LIPC: variants seen among roughly 807,000 people sequenced by gnomAD.
The protein encoded by LIPC is hepatic triacylglycerol lipase.
LIPC carries 44 observed loss-of-function variants against 50.7 expected under a neutral mutation model. The ratio of observed to expected loss-of-function variants is 0.87; its 90% CI spans 0.68 to 1.11. The LOEUF (loss-of-function observed/expected upper bound fraction) is 1.11. LIPC is among the 50% of genes most tolerant of loss of function. The pLI, the probability that LIPC is intolerant of heterozygous loss-of-function variation, is 0.00. For missense variants in LIPC, 697 were observed against 648.2 expected (o/e 1.08, Z -0.82); for synonymous variants, 271 against 256.4 (o/e 1.06, Z -0.54).
chr15:58,524,128 T>A (rs566883912), intron 1 of LIPC, among the ~76,000 whole-genome samples: 158 of 152,260 alleles, frequency 1.0e-3, no homozygotes, highest in Non-Finnish European at 1.9e-3. Context: ...CGTTCCAACA[T>A]AACCTTACGC....
chr15:58,501,090 C>A (rs1399733899), intron 1 of LIPC, among the ~76,000 whole-genome samples: 1 of 152,030 alleles, frequency 6.6e-6, no homozygotes, highest in Non-Finnish European at 1.5e-5. Flanking sequence ...CCTTTCACTC[C>A]CTCATTTGAT....
At chr15:58,434,495 A>G (rs1181012875) in intron 1 of LIPC, among the ~76,000 whole-genome samples, 1 of 152,216 alleles carries the variant, frequency 6.6e-6, no homozygotes, top group Non-Finnish European at 1.5e-5. Context: ...AGGGCAGAGC[A>G]GGGAGAGGTA....
rs374537274 is a variant in LIPC, at chr15:58,496,140, G to A, written c.89-42193G>A. On this transcript the variant is annotated intron_variant, in intron 1 of 8. Transcript: ENST00000299022. ...AGTGGTTCTCAACTGGGATGGTTTCGCTCCCTCACCCCATGGGACATTTGG... is the reference window on the plus strand; with the variant it reads ...AGTGGTTCTCAACTGGGATGGTTTCACTCCCTCACCCCATGGGACATTTGG... 5.1e-4 allele frequency among the ~76,000 whole-genome samples: 77 copies of A among 152,184 alleles called. 1 individual carries two copies. In the East Asian group the frequency reaches 0.01, roughly 20 times the overall value.
intron 8 of LIPC, among the ~76,000 whole-genome samples, chr15:58,564,643 G>A (rs1373429267): frequency 2.0e-5 from 3 of 152,090 alleles, no homozygotes; most frequent in Non-Finnish European, 4.4e-5. Flanking sequence ...AGAAGAATCA[G>A]TTGAACCCAG....
At chr15:58,445,948 CTTT>C (rs1341819849) in intron 1 of LIPC, among the ~76,000 whole-genome samples, 2 of 152,234 alleles carry the variant, frequency 1.3e-5, no homozygotes, top group African/African-American at 4.8e-5. Context: ...TTTTTCTCTA[CTTT>C]TTATTACAAA....
intron 1 of LIPC, among the ~76,000 whole-genome samples, chr15:58,514,212 C>G (rs140506681): frequency 6.6e-6 from 1 of 152,270 alleles, no homozygotes; most frequent in South Asian, 2.1e-4. Flanking sequence ...TGGCTGAGCA[C>G]GCTTCTCGCC....
chr15:58,462,940 G>A (rs1268701516), intron 1 of LIPC, among the ~76,000 whole-genome samples: 1 of 152,184 alleles, frequency 6.6e-6, no homozygotes, highest in African/African-American at 2.4e-5. Context: ...CACAGGCTGT[G>A]GATTATTCCT....
intron 6 of LIPC, among the ~76,000 whole-genome samples, chr15:58,552,612 G>C (rs1259813357): frequency 6.6e-6 from 1 of 152,188 alleles, no homozygotes. Flanking sequence ...TCTGCTGCTC[G>C]CCGCAGCCAT....
At chr15:58,522,384 C>T (rs1436624282) in intron 1 of LIPC, 3 of 152,586 alleles carry the variant, frequency 2.0e-5, no homozygotes, top group Non-Finnish European at 4.4e-5. Flanking sequence ...AAGGCACCCT[C>T]GTCTTAGGAT....
chr15:58,517,529 G>T (rs1239066548), intron 1 of LIPC, among the ~76,000 whole-genome samples: 2 of 152,232 alleles, frequency 1.3e-5, no homozygotes, highest in Non-Finnish European at 2.9e-5. Context: ...TAGACCACAA[G>T]TTTCAGTGTG....
chr15:58,461,576 T>C (rs114803860), intron 1 of LIPC, among the ~76,000 whole-genome samples: 1,595 of 149,300 alleles, frequency 0.011, 32 homozygotes, highest in African/African-American at 0.036. Flanking sequence ...GCCAGGCTAA[T>C]TTTTGATTTT....
chr15:58,466,059 G>C (rs1894551698), intron 1 of LIPC, among the ~76,000 whole-genome samples: 1 of 152,198 alleles, frequency 6.6e-6, no homozygotes, highest in South Asian at 2.1e-4. Context: ...TCATCATTAT[G>C]CCTGTACTAA....
chr15:58,511,544 C>A (rs1228115119), intron 1 of LIPC, among the ~76,000 whole-genome samples: 3 of 152,336 alleles, frequency 2.0e-5, no homozygotes, highest in South Asian at 4.1e-4. Context: ...GAGAGCTATA[C>A]ATATGACTGG....
In LIPC at chr15:58,538,477, A is replaced by T; in HGVS notation, c.233A>T (p.Asn78Ile). 2 of 1,613,536 alleles carry T rather than the reference A, an allele frequency of 1.2e-6. No individual in the cohort carries two copies. The highest frequency in any genetic ancestry group is 1.6e-4 in the Middle Eastern group (1 of 6,062). The change falls in exon 2 of 9, where the codon AAC (asparagine) becomes ATC (isoleucine). Residue 78 changes from asparagine (N) to isoleucine (I), a missense_variant. By Grantham distance (149) the Asn-to-Ile change is moderately radical (BLOSUM62 -3). Transcript: ENST00000299022. ...GACACGTTACAGGAGTGCGGCTTCA[A>T]CTCCTCCCTGCCTCTGGTGATGATA... ...HPDTLQECGF[N>I]SSLPLVMIIH...
At chr15:58,530,167 C>T (rs925711404) in intron 1 of LIPC, among the ~76,000 whole-genome samples, 10 of 152,158 alleles carry the variant, frequency 6.6e-5, no homozygotes, top group African/African-American at 1.4e-4. Context: ...GGTCTCCAGG[C>T]GCCTTGTGTT....
At chr15:58,546,732 C>A (rs748370049) in intron 5 of LIPC, among the ~76,000 whole-genome samples, 15 of 152,124 alleles carry the variant, frequency 9.9e-5, no homozygotes, top group Non-Finnish European at 1.8e-4. Flanking sequence ...CCAAGTAGAG[C>A]CCTCCACCCC....
At chr15:58,552,169 A>G (rs1450670053) in intron 6 of LIPC, among the ~76,000 whole-genome samples, 1 of 152,146 alleles carries the variant, frequency 6.6e-6, no homozygotes, top group Non-Finnish European at 1.5e-5. Flanking sequence ...CCGGGTGGAG[A>G]GGAGGGAAGG....
intron 7 of LIPC, 109 bp from the exon 8 acceptor site, chr15:58,563,396 C>T: frequency 1.1e-6 from 1 of 930,670 alleles, no homozygotes; most frequent in Middle Eastern, 2.7e-4. Context: ...GGAAATGCAG[C>T]AAAAATCCCA....
chr15:58,432,369 C>T (rs1237235865), intron 1 of LIPC: 8 of 539,022 alleles, frequency 1.5e-5, no homozygotes, highest in African/African-American at 9.5e-5. Context: ...AAGTCTCTTG[C>T]GTATCTGATA....
Sources: gnomAD v4.1 joint callset for allele counts (sites outside exome capture counted in the v4.1 genomes callset) on GRCh38, gnomAD v4.1.1 for gene constraint, MANE v1.5 for transcripts, NCBI Gene and HGNC (gene_info 2026-07-23, HGNC 2026-07-21) for gene names.